The following TMCC1 variants were observed in gnomAD, a reference collection of about 807,000 sequenced individuals.
TMCC1 encodes the protein transmembrane and coiled-coil domains protein 1.
In TMCC1, 15 loss-of-function variants were observed where a neutral mutation model predicts 52.4. That is an observed-to-expected ratio of 0.29 (90% CI 0.19 to 0.44). The LOEUF (loss-of-function observed/expected upper bound fraction) is 0.44. Ranked by LOEUF, TMCC1 falls within the 20% of genes least tolerant of loss-of-function variation. The pLI is 1.00. For synonymous variants in TMCC1, 279 were observed against 301.9 expected (o/e 0.92, Z 0.79); for missense variants, 503 against 806.0 (o/e 0.62, Z 4.55).
chr3:129,881,144 G>C (rs1264400503), intron 1 of TMCC1, among the ~76,000 whole-genome samples: 2 of 152,098 alleles, frequency 1.3e-5, no homozygotes, highest in Non-Finnish European at 2.9e-5. Context: ...TTACAGGTGT[G>C]AGCCACCTGC....
intron 4 of TMCC1, chr3:129,688,262 G>A (rs930104439): frequency 3.1e-6 from 3 of 983,178 alleles, no homozygotes; most frequent in African/African-American, 3.5e-5. Context: ...AGCTTGGATG[G>A]TAAAAAAAAA....
At chr3:129,888,631 T>TTG (rs2061829101) in intron 1 of TMCC1, among the ~76,000 whole-genome samples, 1 of 152,158 alleles carries the variant, frequency 6.6e-6, no homozygotes, top group Admixed American at 6.5e-5. Context: ...GAGCTCCCAA[T>TTG]GGCCAAAGCT....
At position 129,868,133 on chromosome 3, in the gene TMCC1, G is replaced by GA. The variant is rs1346775512; in HGVS notation, c.-184+12175dup. Among the ~76,000 whole-genome samples the GA allele has an allele frequency of 1.1e-3, 5 of 4,488 alleles. No homozygotes were observed. The Non-Finnish European group carries it at 0.02, about 18-fold the overall frequency. 2.9% of individuals were successfully genotyped at this position (4,488 alleles called of 152,430 possible). A position where few individuals can be genotyped will look rare whatever the true frequency, so the allele number is the denominator to read the frequency against. ...ACAAATACATTAAAACAGGCAGGCA[G>GA]AGGGGGGAAAAACCATACAAGCAGG... is the stretch of plus-strand genomic sequence containing the variant. On this transcript the variant is annotated intron_variant, in intron 2 of 6. Transcript: ENST00000393238.
chr3:129,838,650 G>A (rs1386863068), intron 2 of TMCC1, among the ~76,000 whole-genome samples: 1 of 148,410 alleles, frequency 6.7e-6, no homozygotes, highest in Non-Finnish European at 1.5e-5. Context: ...CTACTCAGGA[G>A]GCTGAGGCAG....
chr3:129,861,105 G>T (rs1161202585), intron 2 of TMCC1: 1 of 152,208 alleles, frequency 6.6e-6, no homozygotes, highest in Non-Finnish European at 1.5e-5. Flanking sequence ...GTTGGAAGGG[G>T]AGTGAAGGTA....
chr3:129,756,322 CT>C (rs2053008305), intron 4 of TMCC1, among the ~76,000 whole-genome samples: 2 of 152,096 alleles, frequency 1.3e-5, no homozygotes, highest in African/African-American at 4.8e-5. Context: ...GGTAACTGAA[CT>C]GTAATTACAT....
intron 4 of TMCC1, among the ~76,000 whole-genome samples, chr3:129,789,198 T>C (rs1220623193): frequency 6.6e-6 from 1 of 152,224 alleles, no homozygotes; most frequent in African/African-American, 2.4e-5. Flanking sequence ...ACCCACCTAG[T>C]GCTTATCATT....
chr3:129,710,634 A>G (rs927879222), intron 4 of TMCC1, among the ~76,000 whole-genome samples: 2 of 152,234 alleles, frequency 1.3e-5, no homozygotes, highest in African/African-American at 4.8e-5. Flanking sequence ...CTAAGTGGTC[A>G]GTCAACAGTA....
At chr3:129,814,676 A>C (rs1411313503) in intron 4 of TMCC1, among the ~76,000 whole-genome samples, 4 of 152,166 alleles carry the variant, frequency 2.6e-5, no homozygotes, top group Middle Eastern at 3.2e-3. Context: ...CTACAAAGAT[A>C]CACATAGACT....
At chr3:129,720,077 G>A (rs1354490426) in intron 4 of TMCC1, among the ~76,000 whole-genome samples, 1 of 151,778 alleles carries the variant, frequency 6.6e-6, no homozygotes, top group Non-Finnish European at 1.5e-5. Context: ...AGCTACTCAG[G>A]AGGCTGAGCC....
intron 4 of TMCC1, among the ~76,000 whole-genome samples, chr3:129,752,002 G>C (rs1410833081): frequency 6.6e-6 from 1 of 152,096 alleles, no homozygotes; most frequent in Non-Finnish European, 1.5e-5. Flanking sequence ...GTATGGGATG[G>C]GTTAGAAGAT....
At chr3:129,663,607 A>T (rs1036079614) in intron 5 of TMCC1, among the ~76,000 whole-genome samples, 1 of 152,190 alleles carries the variant, frequency 6.6e-6, no homozygotes, top group African/African-American at 2.4e-5. Flanking sequence ...TCAGCTGAAA[A>T]GGGAAAAAGA....
intron 4 of TMCC1, among the ~76,000 whole-genome samples, chr3:129,821,014 G>A (rs2058390919): frequency 6.6e-6 from 1 of 152,108 alleles, no homozygotes; most frequent in Non-Finnish European, 1.5e-5. Flanking sequence ...AGTTAATTAT[G>A]AAGCCTCAAA....
At chr3:129,690,829 CT>C (rs959621311) in intron 4 of TMCC1, among the ~76,000 whole-genome samples, 34 of 152,284 alleles carry the variant, frequency 2.2e-4, no homozygotes, top group Admixed American at 5.2e-4. Flanking sequence ...ATGATTTTAT[CT>C]TTTTGAAAAA....
At position 129,828,553 on chromosome 3, in the gene TMCC1, A is replaced by G. The variant is rs919700540; in HGVS notation, c.-130-45T>C. 5.0e-6 allele frequency: 3 copies of G among 601,324 alleles called. No homozygotes were observed. Among genetic ancestry groups the G allele is most frequent in the Admixed American group, 3.4e-5 (1 of 29,540 alleles). 37.2% of individuals were successfully genotyped at this position (601,324 alleles called of 1,614,324 possible). The stretch of plus-strand genomic sequence containing the variant: ...AACAAAAAAACAAAAAAAAAACCTT[A>G]TATTATAAATCCATGCAGAAACTCC... On this transcript the variant is annotated intron_variant, in intron 3 of 6. Transcript: ENST00000393238. This position sits in a 1 kb window ranked among gnomAD's most constrained non-coding sequence, Gnocchi z 4.1.
chr3:129,659,996 T>C (rs2086915726), intron 5 of TMCC1, among the ~76,000 whole-genome samples: 1 of 152,174 alleles, frequency 6.6e-6, no homozygotes, highest in Admixed American at 6.5e-5. Flanking sequence ...ATATCACAAA[T>C]ATACATTTGG....
chr3:129,783,679 C>T (rs576719749), intron 4 of TMCC1, among the ~76,000 whole-genome samples: 31 of 152,302 alleles, frequency 2.0e-4, no homozygotes, highest in African/African-American at 7.5e-4. Context: ...AGCATATTCA[C>T]ATCCATTGTT....
chr3:129,741,689 T>G (rs1250292492), intron 4 of TMCC1, among the ~76,000 whole-genome samples: 1 of 152,178 alleles, frequency 6.6e-6, no homozygotes, highest in Non-Finnish European at 1.5e-5. Context: ...ATCTTATAAA[T>G]TTAGAGCAGC....
chr3:129,827,066 T>C (rs2058690620), intron 4 of TMCC1, among the ~76,000 whole-genome samples: 1 of 152,212 alleles, frequency 6.6e-6, no homozygotes, highest in Non-Finnish European at 1.5e-5. Context: ...TTGCCTCTGT[T>C]AAACAAAGCA....
Sources: allele counts gnomAD v4.1 joint callset (sites outside exome capture counted in the v4.1 genomes callset), GRCh38; gene constraint gnomAD v4.1.1; non-coding constraint Gnocchi (gnomAD v3.1); transcripts MANE v1.5; gene names NCBI Gene and HGNC (gene_info 2026-07-23, HGNC 2026-07-21).